The following STK32A variants were observed in gnomAD, a reference collection of about 807,000 sequenced individuals.
STK32A encodes serine/threonine kinase 32A.
In STK32A, 41 loss-of-function variants were observed where a neutral mutation model predicts 53.2. The observed-to-expected ratio is 0.77, with a 90% CI of 0.60 to 1.00. The LOEUF (loss-of-function observed/expected upper bound fraction) is 1.00. STK32A is among the 50% of genes least tolerant of loss of function. The pLI, the probability that STK32A is intolerant of heterozygous loss-of-function variation, is 0.00. For missense variants in STK32A, 458 were observed against 485.8 expected, an observed-to-expected ratio of 0.94 and a Z score of 0.54; for synonymous variants, 166 against 162.8, an observed-to-expected ratio of 1.02 and a Z score of -0.15.
the STK32A span, chr5:147,397,800 G>A: frequency 1.2e-6 from 2 of 1,613,826 alleles, no homozygotes; most frequent in Non-Finnish European, 1.7e-6. Context: ...ACAACCAGAG[G>A]AGCCCCGCGC....
intron 2 of STK32A, among the ~76,000 whole-genome samples, chr5:147,274,549 A>G (rs1755171745): frequency 6.6e-6 from 1 of 152,156 alleles, no homozygotes; most frequent in Non-Finnish European, 1.5e-5. Flanking sequence ...GAAAACCCCA[A>G]ATGTATTGAA....
intron 4 of STK32A, among the ~76,000 whole-genome samples, chr5:147,287,395 A>G (rs1752395312): frequency 1.3e-5 from 2 of 152,194 alleles, no homozygotes; most frequent in African/African-American, 2.4e-5. Flanking sequence ...AAGGGTCTTT[A>G]TTCAGAGAAT....
intron 2 of STK32A, among the ~76,000 whole-genome samples, chr5:147,274,695 A>G (rs1482353314): frequency 6.6e-6 from 1 of 152,248 alleles, no homozygotes; most frequent in Non-Finnish European, 1.5e-5. Context: ...AGTTAGTTCC[A>G]GGCAATATTC....
chr5:147,239,878 T>C (rs934346802), intron 2 of STK32A, 192 bp downstream of exon 2: 1 of 567,702 alleles, frequency 1.8e-6, no homozygotes, highest in Non-Finnish European at 3.1e-6. Flanking sequence ...ATGGGACCTT[T>C]GGCAGCTTTC....
At chr5:147,270,689 A>C (rs1241389160) in intron 2 of STK32A, among the ~76,000 whole-genome samples, 4 of 152,248 alleles carry the variant, frequency 2.6e-5, no homozygotes, top group African/African-American at 9.6e-5. Context: ...AAAAATACAC[A>C]TATAAATATA....
At chr5:147,315,008 G>A (rs1753922484) in intron 4 of STK32A, among the ~76,000 whole-genome samples, 1 of 152,036 alleles carries the variant, frequency 6.6e-6, no homozygotes, top group Non-Finnish European at 1.5e-5. Context: ...GCCCCCCAAA[G>A]TGCTGTAAGT....
In STK32A at chr5:147,235,034, GCAGCC is replaced by G. The variant is rs908962058; in HGVS notation, c.-245_-241del. On this transcript the variant is annotated 5_prime_UTR_variant, in exon 1 of 13. Transcript: ENST00000397936. ...CCAGCCCAGCCCAGCTCAGTCCAGC[GCAGCC>G]CAGCCCAGCCCAGCCCGGCGCTCGC... The G allele has an allele frequency of 3.1e-4, 48 of 153,826 alleles. No individual in the cohort carries two copies. Among genetic ancestry groups the G allele is most frequent in the African/African-American group, 1.0e-3 (43 of 41,558 alleles). 9.5% of individuals were successfully genotyped at this position (153,826 alleles called of 1,614,324 possible). A position where few individuals can be genotyped will look rare whatever the true frequency, so the allele number is the denominator to read the frequency against.
the STK32A span, chr5:147,395,616 G>C: frequency 6.2e-7 from 1 of 1,614,082 alleles, no homozygotes; most frequent in Admixed American, 1.7e-5. Flanking sequence ...GGCCGAGTAG[G>C]AGAGCCCCGA....
At chr5:147,397,229 G>GAAAC in the STK32A span, among the ~76,000 whole-genome samples, 67,767 of 150,562 alleles carry the variant, frequency 0.45, 15,986 homozygotes, top group African/African-American at 0.56. Context: ...TAAAATCAGA[G>GAAAC]AAATAAAGTT....
chr5:147,376,713 G>A (rs934201973), intron 11 of STK32A, among the ~76,000 whole-genome samples: 4 of 152,062 alleles, frequency 2.6e-5, no homozygotes, highest in Admixed American at 2.6e-4. Context: ...CAAGGCCTTT[G>A]CCCTTGCTCT....
chr5:147,355,421 C>G (rs1049890963), intron 7 of STK32A, among the ~76,000 whole-genome samples: 1 of 151,982 alleles, frequency 6.6e-6, no homozygotes. Flanking sequence ...ACCCTGTAAT[C>G]CCAGCACTTT....
chr5:147,239,718 A>C, intron 2 of STK32A, 32 bp downstream of exon 2: 1 of 1,567,632 alleles, frequency 6.4e-7, no homozygotes, highest in South Asian at 1.2e-5. Context: ...CATATAAAAA[A>C]TAGAATTTTG....
At chr5:147,367,673 T>TTC (rs1166140325) in intron 8 of STK32A, among the ~76,000 whole-genome samples, 1 of 152,142 alleles carries the variant, frequency 6.6e-6, no homozygotes, top group Non-Finnish European at 1.5e-5. Context: ...GTGTCATCAG[T>TTC]TAAGGCAGGA....
chr5:147,375,908 T>A (rs1757212943), intron 11 of STK32A: 1 of 152,184 alleles, frequency 6.6e-6, no homozygotes, highest in South Asian at 2.1e-4. Flanking sequence ...ATAAAGTTAC[T>A]TTGCCTCTAA....
At chr5:147,268,971 A>T (rs1311228879) in intron 2 of STK32A, among the ~76,000 whole-genome samples, 1 of 152,174 alleles carries the variant, frequency 6.6e-6, no homozygotes, top group Non-Finnish European at 1.5e-5. Context: ...AAGATTGATT[A>T]TGTGTGTTTA....
chr5:147,239,964 G>A (rs769995092), intron 2 of STK32A: 3 of 379,940 alleles, frequency 7.9e-6, no homozygotes, highest in African/African-American at 2.1e-5. Flanking sequence ...TAAATGATTT[G>A]TTTGTCCTCT....
At chr5:147,307,225 A>G (rs1260091911) in intron 4 of STK32A, among the ~76,000 whole-genome samples, 1 of 152,036 alleles carries the variant, frequency 6.6e-6, no homozygotes, top group Non-Finnish European at 1.5e-5. Context: ...TTTTCACTGC[A>G]ATAATGGTTT....
chr5:147,256,420 T>A (rs913679024), intron 2 of STK32A, among the ~76,000 whole-genome samples: 2 of 152,206 alleles, frequency 1.3e-5, no homozygotes, highest in African/African-American at 4.8e-5. Flanking sequence ...AAGGGGACAA[T>A]CTGGAATACT....
Position 147,384,411 on chromosome 5 carries a change from C to A in STK32A, c.*428C>A. ...CAAATGGACACAGGACTCAGTGAGA[C>A]TTTTCAGACCTCGAAAGTTTCATAA... On this transcript the variant is annotated 3_prime_UTR_variant, in exon 13 of 13. Transcript: ENST00000397936. 2.0e-6 allele frequency: 3 copies of A among 1,534,446 alleles called. No homozygotes were observed. In the South Asian group the frequency reaches 3.6e-5, roughly 18 times the overall value.
Sources: allele counts gnomAD v4.1 joint callset (sites outside exome capture counted in the v4.1 genomes callset), GRCh38; gene constraint gnomAD v4.1.1; transcripts MANE v1.5; gene names NCBI Gene and HGNC (gene_info 2026-07-23, HGNC 2026-07-21).